Variants in F11 observed in about 807,000 individuals in gnomAD.
F11 encodes the protein coagulation factor XI.
In F11, 78 loss-of-function variants were observed where a neutral mutation model predicts 76.5. That is an observed-to-expected ratio of 1.02 (90% CI 0.85 to 1.23). The LOEUF (loss-of-function observed/expected upper bound fraction) is 1.23. F11 is among the 50% of genes most tolerant of loss of function. The pLI is 0.00. For missense variants in F11, 742 were observed against 771.4 expected, an observed-to-expected ratio of 0.96 and a Z score of 0.45; for synonymous variants, 278 against 276.3, an observed-to-expected ratio of 1.01 and a Z score of -0.06.
intron 10 of F11, among the ~76,000 whole-genome samples, chr4:186,280,856 C>CTTT (rs33985758): frequency 5.1e-4 from 55 of 108,062 alleles, no homozygotes; most frequent in Non-Finnish European, 7.0e-4. Flanking sequence ...TTCTTTCTTT[C>CTTT]TTTTTTTTTT....
At position 186,285,618 on chromosome 4, in the gene F11, C is replaced by T. The variant is rs1157030124; in HGVS notation, c.1305-20C>T. 6.2e-7 allele frequency: 1 copy of T among 1,612,888 alleles called. No homozygotes were observed. The highest frequency in any genetic ancestry group is 1.3e-5 in the African/African-American group (1 of 74,984). ...TTTTTAGTAAAGGAAATTTCTTTCC[C>T]TCTGTTGTTTGCTCCTTAGGGTAGA... On this transcript the variant is annotated intron_variant, in intron 11 of 14. Transcript: ENST00000403665.
At chr4:186,282,265 A>T (rs1346089684) in intron 10 of F11, 1 of 985,230 alleles carries the variant, frequency 1.0e-6, no homozygotes, top group Admixed American at 6.1e-5. Flanking sequence ...TAGAAGTTAC[A>T]GAATATGCCA....
chr4:186,272,881 T>C, intron 3 of F11, 190 bp from the exon 4 acceptor site: 1 of 546,114 alleles, frequency 1.8e-6, no homozygotes, highest in Non-Finnish European at 3.3e-6. Flanking sequence ...GAGTATTACA[T>C]GCAGTCTCTT....
rs767278798 is a variant in F11 at position 186,273,061 on chromosome 4, A to G, written c.219-10A>G. The stretch of plus-strand genomic sequence containing the variant: ...TCCTATTCATTAATATGTATTTTTT[A>G]AAAAAACAGGTTTACTTGTGTCCTG... On this transcript the variant is annotated splice_polypyrimidine_tract_variant and intron_variant, in intron 3 of 14. Transcript: ENST00000403665. 1.3e-6 allele frequency: 2 copies of G among 1,575,360 alleles called. No individual in the cohort carries two copies.
rs1209131152 is a variant in F11 at position 186,289,029 on chromosome 4, C to T, written c.*415C>T. ...TGGAAGAAAGGAGAACAAAGACAGT[C>T]TTCACCATTTTGCAGGAATCTACAC... On this transcript the variant is annotated 3_prime_UTR_variant, in exon 15 of 15. Transcript: ENST00000403665. 1.0e-5 allele frequency: 2 copies of T among 196,726 alleles called. No homozygotes were observed. Among genetic ancestry groups the T allele is most frequent in the Non-Finnish European group, 2.1e-5 (2 of 95,388 alleles). 12.2% of individuals were successfully genotyped at this position (196,726 alleles called of 1,614,324 possible).
intron 7 of F11, among the ~76,000 whole-genome samples, chr4:186,277,653 C>G (rs1471395046): frequency 6.6e-6 from 1 of 152,150 alleles, no homozygotes; most frequent in Admixed American, 6.6e-5. Context: ...ATGTCTCCAT[C>G]AAGTGGGTTA....
At position 186,274,122 on chromosome 4, in the gene F11, A is replaced by G. The variant is rs375281790; in HGVS notation, c.332A>G (p.Asn111Ser). The stretch of plus-strand genomic sequence containing the variant: ...CTTCTGCTTTTATTTCCAGCTTGCA[A>G]CAAAGACATTTATGTGGACCTAGAC... Reference protein sequence around the residue: ...KQCSHQISACNKDIYVDLDMK... With the variant: ...KQCSHQISACSKDIYVDLDMK... The change falls in exon 5 of 15, where the codon AAC (asparagine) becomes AGC (serine). Residue 111 changes from asparagine (N) to serine (S), a missense_variant. Physicochemically the swap from Asn to Ser is conservative, Grantham distance 46. Coordinates refer to ENST00000403665, the MANE Select transcript of F11 (RefSeq NM_000128.4). 24 of 1,614,066 alleles carry G rather than the reference A, an allele frequency of 1.5e-5. No individual in the cohort carries two copies. The highest frequency in any genetic ancestry group is 2.0e-5 in the Non-Finnish European group (24 of 1,180,046).
Position 186,280,551 on chromosome 4 carries a change from A to C in F11, c.1106A>C (p.Tyr369Ser). Residue 369 changes from tyrosine to serine, a missense_variant, in exon 10 of 15, where the codon TAC becomes TCC. Tyr to Ser is a moderately radical substitution (Grantham distance 144). Coordinates refer to ENST00000403665, the MANE Select transcript of F11 (RefSeq NM_000128.4). ...ILHGRGGISG[Y>S]TLRLCKMDNE... The stretch of plus-strand genomic sequence containing the variant: ...CACGGGAGAGGAGGCATCTCTGGAT[A>C]CACATTAAGGTTGTGTAAAATGGAT... 1 of 1,614,106 alleles carries C rather than the reference A, an allele frequency of 6.2e-7. No homozygotes were observed. Among genetic ancestry groups the C allele is most frequent in the South Asian group, 1.1e-5 (1 of 91,086 alleles).
At chr4:186,270,160 A>G (rs1436845338) in intron 2 of F11, among the ~76,000 whole-genome samples, 2 of 152,206 alleles carry the variant, frequency 1.3e-5, no homozygotes, top group East Asian at 3.8e-4. Flanking sequence ...CATCACATAA[A>G]TTATTTGAGC....
At chr4:186,266,937 A>G (rs1739546488) in intron 1 of F11, among the ~76,000 whole-genome samples, 199 bp from the exon 2 acceptor site, 1 of 151,708 alleles carries the variant, frequency 6.6e-6, no homozygotes, top group African/African-American at 2.4e-5. Context: ...GAGCTGTAAG[A>G]GTTGAATGCC....
At position 186,266,232 on chromosome 4, in the gene F11, T is replaced by C. The variant is rs1216337746; in HGVS notation, c.-65T>C. On this transcript the variant is annotated 5_prime_UTR_variant, in exon 1 of 15. Transcript: ENST00000403665. ...CTCATTCAGAGGAGGATGAAGACCA[T>C]TTTGGAGGAAGAAAAGCACCCTTAT... 1.3e-5 allele frequency: 2 copies of C among 152,166 alleles called. No homozygotes were observed. The highest frequency in any genetic ancestry group is 4.8e-5 in the African/African-American group (2 of 41,430). 9.4% of individuals were successfully genotyped at this position (152,166 alleles called of 1,614,324 possible).
At chr4:186,283,023 C>G (rs1050539433) in intron 10 of F11, 1 of 985,236 alleles carries the variant, frequency 1.0e-6, no homozygotes, top group African/African-American at 1.7e-5. Flanking sequence ...TAGCTCAGGA[C>G]GCGGAGCCTT....
chr4:186,269,252 C>T (rs1294845184), intron 2 of F11, among the ~76,000 whole-genome samples: 7 of 151,638 alleles, frequency 4.6e-5, no homozygotes, highest in South Asian at 2.1e-4. Context: ...GGGTACATAC[C>T]GAAAAAAAAG....
rs1271024081 is a variant in F11, at chr4:186,287,357, G to C, written c.1577-327G>C. Among the ~76,000 whole-genome samples the C allele has an allele frequency of 2.0e-5, 3 of 151,826 alleles. No homozygotes were observed. The East Asian group carries it at 6.0e-4, about 30-fold the overall frequency. On this transcript the variant is annotated intron_variant, in intron 13 of 14. Coordinates refer to ENST00000403665, the MANE Select transcript of F11 (RefSeq NM_000128.4). Reference sequence around the variant, plus strand: ...CCAGCACTTTGGGAGGCCAAGATGGGTGGATCACTTGAGGTCAGGAGTTCA... The same window carrying C: ...CCAGCACTTTGGGAGGCCAAGATGGCTGGATCACTTGAGGTCAGGAGTTCA...
chr4:186,270,852 C>T (rs1739897339), intron 2 of F11, among the ~76,000 whole-genome samples: 1 of 144,100 alleles, frequency 6.9e-6, no homozygotes, highest in African/African-American at 2.6e-5. Context: ...AACAACCATG[C>T]CCAGCTAGTA....
intron 13 of F11, chr4:186,286,744 G>A (rs1047242550): frequency 8.2e-6 from 8 of 976,814 alleles, no homozygotes; most frequent in Admixed American, 6.2e-5. Flanking sequence ...ATTTAATGAA[G>A]TTTAATGTGA....
At chr4:186,273,639 G>T (rs1250085702) in intron 4 of F11, among the ~76,000 whole-genome samples, 1 of 152,088 alleles carries the variant, frequency 6.6e-6, no homozygotes, top group Non-Finnish European at 1.5e-5. Flanking sequence ...TTTTCCTAGA[G>T]ACAGGGTCTC....
At chr4:186,277,211 C>T (rs1168927340) in intron 7 of F11, among the ~76,000 whole-genome samples, 5 of 152,164 alleles carry the variant, frequency 3.3e-5, no homozygotes, top group Admixed American at 6.5e-5. Flanking sequence ...CCAGTTCTAT[C>T]CATGTTGCTG....
At position 186,267,151 on chromosome 4, in the gene F11, T is replaced by A. The variant is rs1739567709; in HGVS notation, c.15T>A (p.Tyr5Ter). ...CTCATTGTAGGATGATTTTCTTATA[T>A]CAAGTGGTACATTTCATTTTATTTA... is the stretch of plus-strand genomic sequence containing the variant. MIFL[Y>*]QVVHFILFTS... The change falls in exon 2 of 15, where the codon TAT becomes TAA. Residue 5 changes from tyrosine (Y) to a stop codon, truncating the protein, a stop_gained. Transcript: ENST00000403665. LOFTEE classifies it high-confidence loss of function. 1.9e-6 allele frequency: 3 copies of A among 1,578,070 alleles called. No individual in the cohort carries two copies. The highest frequency in any genetic ancestry group is 2.6e-6 in the Non-Finnish European group (3 of 1,147,106).
Sources: allele counts gnomAD v4.1 joint callset (sites outside exome capture counted in the v4.1 genomes callset), GRCh38; gene constraint gnomAD v4.1.1; transcripts MANE v1.5; gene names NCBI Gene and HGNC (gene_info 2026-07-23, HGNC 2026-07-21).